Variants in TNFSF4 observed in about 807,000 individuals in gnomAD.
TNFSF4 encodes the protein tumor necrosis factor ligand superfamily member 4.
TNFSF4 carries 4 observed loss-of-function variants against 7.3 expected under a neutral mutation model. That is an observed-to-expected ratio of 0.55 (90% CI 0.27 to 1.25). The LOEUF (loss-of-function observed/expected upper bound fraction) is 1.25, where lower values mean the gene tolerates loss of function less well. Among genes scored for constraint, TNFSF4 ranks in the 50% most tolerant of loss-of-function variants. TNFSF4 has a pLI of 0.12. For missense variants in TNFSF4, 181 were observed against 208.8 expected (o/e 0.87, Z 0.82); for synonymous variants, 76 against 83.7 (o/e 0.91, Z 0.50).
At chr1:173,354,522 G>A in the TNFSF4 span, among the ~76,000 whole-genome samples, 1 of 152,186 alleles carries the variant, frequency 6.6e-6, no homozygotes, top group East Asian at 1.9e-4. Flanking sequence ...CCAAAACCTG[G>A]CAGAGATACA....
chr1:173,238,657 A>G, the TNFSF4 span, among the ~76,000 whole-genome samples: 30 of 152,184 alleles, frequency 2.0e-4, no homozygotes, highest in Middle Eastern at 0.01. Flanking sequence ...AAAAATACTC[A>G]ATATTACTAA....
the TNFSF4 span, among the ~76,000 whole-genome samples, chr1:173,402,620 T>C: frequency 6.6e-6 from 1 of 152,214 alleles, no homozygotes; most frequent in Admixed American, 6.5e-5. Context: ...GAGCACTATT[T>C]CTCATCAATC....
At chr1:173,175,852 C>A in the TNFSF4 span, among the ~76,000 whole-genome samples, 1 of 152,214 alleles carries the variant, frequency 6.6e-6, no homozygotes, top group East Asian at 1.9e-4. Context: ...TCCAGAAAGA[C>A]TTTTGTTGGC....
At chr1:173,312,059 G>A in the TNFSF4 span, among the ~76,000 whole-genome samples, 55 of 152,088 alleles carry the variant, frequency 3.6e-4, 1 homozygote, top group Admixed American at 3.3e-3. Flanking sequence ...CTTTTGTGAC[G>A]TGTATTAATT....
chr1:173,354,819 C>G, the TNFSF4 span, among the ~76,000 whole-genome samples: 1 of 152,212 alleles, frequency 6.6e-6, no homozygotes, highest in East Asian at 1.9e-4. Flanking sequence ...CCATATCTAT[C>G]TTTTATTCTG....
the TNFSF4 span, among the ~76,000 whole-genome samples, chr1:173,242,190 T>C: frequency 3.3e-5 from 5 of 152,250 alleles, no homozygotes; most frequent in South Asian, 8.3e-4. Context: ...GGCCACAGTA[T>C]TTTCCCGAGG....
At chr1:173,350,986 T>A in the TNFSF4 span, among the ~76,000 whole-genome samples, 3 of 152,022 alleles carry the variant, frequency 2.0e-5, no homozygotes, top group Non-Finnish European at 2.9e-5. Flanking sequence ...AGAAAGAAAA[T>A]CCAGTTCTGT....
the TNFSF4 span, among the ~76,000 whole-genome samples, chr1:173,367,553 T>A: frequency 5.3e-5 from 8 of 152,128 alleles, no homozygotes; most frequent in Non-Finnish European, 8.8e-5. Flanking sequence ...AGAGGAGAAG[T>A]TGTAGTGTTA....
At chr1:173,268,906 G>T in the TNFSF4 span, among the ~76,000 whole-genome samples, 2 of 152,074 alleles carry the variant, frequency 1.3e-5, no homozygotes, top group African/African-American at 2.4e-5. Flanking sequence ...ATGATATTAT[G>T]CACCTACCAT....
chr1:173,367,677 C>G, the TNFSF4 span, among the ~76,000 whole-genome samples: 8 of 152,190 alleles, frequency 5.3e-5, no homozygotes, highest in South Asian at 1.7e-3. Context: ...CCATGAAGGA[C>G]CCTGAAGTTC....
chr1:173,225,878 C>G, the TNFSF4 span, among the ~76,000 whole-genome samples: 1 of 152,090 alleles, frequency 6.6e-6, no homozygotes, highest in Non-Finnish European at 1.5e-5. Context: ...AGAATCATAC[C>G]AACTACAGAT....
At chr1:173,297,387 TTGC>T in the TNFSF4 span, among the ~76,000 whole-genome samples, 6 of 151,954 alleles carry the variant, frequency 3.9e-5, no homozygotes, top group Non-Finnish European at 8.8e-5. Context: ...TTCACAGTCA[TTGC>T]TGTTTGCTTT....
the TNFSF4 span, among the ~76,000 whole-genome samples, chr1:173,356,254 G>A: frequency 2.0e-5 from 3 of 152,162 alleles, no homozygotes; most frequent in Non-Finnish European, 2.9e-5. Context: ...TCAGATCTCA[G>A]AAGAGGCATC....
At chr1:173,179,915 T>G (rs1416773666), downstream of TNFSF4, among the ~76,000 whole-genome samples, 1 of 152,200 alleles carries the variant, frequency 6.6e-6, no homozygotes, top group East Asian at 1.9e-4. Context: ...TACCACTCTT[T>G]ACCCCCAGCC....
the TNFSF4 span, among the ~76,000 whole-genome samples, chr1:173,391,435 C>CAAA: frequency 4.1e-4 from 45 of 108,820 alleles, 2 homozygotes; most frequent in African/African-American, 1.3e-3. Context: ...CCTTAGAAAG[C>CAAA]AAAAAAAAAA....
the TNFSF4 span, among the ~76,000 whole-genome samples, chr1:173,367,032 G>A: frequency 6.6e-6 from 1 of 152,180 alleles, no homozygotes; most frequent in Non-Finnish European, 1.5e-5. Flanking sequence ...GTCCAGTTTG[G>A]AAAAGTCAGA....
chr1:173,388,097 C>T, the TNFSF4 span, among the ~76,000 whole-genome samples: 2 of 152,182 alleles, frequency 1.3e-5, no homozygotes, highest in Non-Finnish European at 2.9e-5. Flanking sequence ...TAAGAGAAAA[C>T]ATCTAGAATT....
chr1:173,436,205 G>A, the TNFSF4 span, among the ~76,000 whole-genome samples: 4 of 152,314 alleles, frequency 2.6e-5, no homozygotes, highest in East Asian at 7.7e-4. Flanking sequence ...CAGAAATACA[G>A]AGGGATGGAT....
At chr1:173,428,774 G>A in the TNFSF4 span, among the ~76,000 whole-genome samples, 1 of 152,188 alleles carries the variant, frequency 6.6e-6, no homozygotes, top group Non-Finnish European at 1.5e-5. Context: ...GGAGGCCAAG[G>A]CAGGAGGATC....
Sources: allele counts gnomAD v4.1 joint callset (sites outside exome capture counted in the v4.1 genomes callset), GRCh38; gene constraint gnomAD v4.1.1; transcripts MANE v1.5; gene names NCBI Gene and HGNC (gene_info 2026-07-23, HGNC 2026-07-21).